SCLT1: variants seen among roughly 807,000 people sequenced by gnomAD.
SCLT1 encodes sodium channel-associated protein 1.
SCLT1 carries 78 observed loss-of-function variants against 112.8 expected under a neutral mutation model. The ratio of observed to expected loss-of-function variants is 0.69; its 90% CI spans 0.58 to 0.83. The LOEUF (loss-of-function observed/expected upper bound fraction) is 0.83. Among genes scored for constraint, SCLT1 ranks in the 40% least tolerant of loss-of-function variants. The pLI is 0.00. For synonymous variants in SCLT1, 257 were observed against 254.7 expected (o/e 1.01, Z -0.09); for missense variants, 747 against 770.4 (o/e 0.97, Z 0.36).
chr4:128,993,849 G>A (rs1026968094), intron 8 of SCLT1, among the ~76,000 whole-genome samples: 4 of 151,826 alleles, frequency 2.6e-5, no homozygotes, highest in Non-Finnish European at 5.9e-5. Flanking sequence ...TTATAGAGAT[G>A]AGCAAATCTT....
intron 2 of SCLT1, among the ~76,000 whole-genome samples, chr4:129,058,521 C>T (rs566482788): frequency 1.3e-5 from 2 of 152,224 alleles, no homozygotes; most frequent in African/African-American, 4.8e-5. Flanking sequence ...TGTACAGTTT[C>T]TAATGTTCCT....
At chr4:129,059,648 G>A (rs1749774698) in intron 2 of SCLT1, among the ~76,000 whole-genome samples, 1 of 152,066 alleles carries the variant, frequency 6.6e-6, no homozygotes, top group Non-Finnish European at 1.5e-5. Flanking sequence ...GGCTGATATT[G>A]TTTTTCTTCT....
intron 18 of SCLT1, among the ~76,000 whole-genome samples, chr4:128,903,764 G>T (rs191726822): frequency 2.7e-4 from 41 of 152,180 alleles, no homozygotes; most frequent in Non-Finnish European, 4.6e-4. Context: ...TCAGTACTTT[G>T]TATCTTCTTA....
At chr4:128,875,971 G>A (rs1732510342) in intron 4 of SCLT1, among the ~76,000 whole-genome samples, 1 of 152,122 alleles carries the variant, frequency 6.6e-6, no homozygotes, top group South Asian at 2.1e-4. Flanking sequence ...CACAGCAGTA[G>A]GTACTGGCAG....
At chr4:128,979,523 C>A (rs541150543) in intron 9 of SCLT1, among the ~76,000 whole-genome samples, 8 of 152,150 alleles carry the variant, frequency 5.3e-5, no homozygotes, top group Non-Finnish European at 1.0e-4. Flanking sequence ...TTGAACTTCA[C>A]GGCCTCCAGA....
intron 5 of SCLT1, among the ~76,000 whole-genome samples, chr4:129,016,809 A>G (rs1745033620): frequency 6.6e-6 from 1 of 152,144 alleles, no homozygotes; most frequent in Non-Finnish European, 1.5e-5. Flanking sequence ...TTGCCTTATA[A>G]GTTTTTCACA....
intron 9 of SCLT1, 174 bp from the exon 10 acceptor site, chr4:128,970,642 A>T: frequency 1.8e-6 from 1 of 556,710 alleles, no homozygotes; most frequent in East Asian, 3.0e-5. Context: ...TGTAGAAGAT[A>T]TTAAAGAGGA....
chr4:128,879,015 T>C (rs1732583918), downstream of SCLT1, among the ~76,000 whole-genome samples: 1 of 151,662 alleles, frequency 6.6e-6, no homozygotes, highest in Admixed American at 6.6e-5. Flanking sequence ...CATCAGGAGA[T>C]ATAACTAATG....
At chr4:128,917,184 T>A (rs763753348) in intron 18 of SCLT1, among the ~76,000 whole-genome samples, 1 of 152,106 alleles carries the variant, frequency 6.6e-6, no homozygotes, top group African/African-American at 2.4e-5. Flanking sequence ...CTGACCCCAG[T>A]GCTTCTCGAG....
At chr4:128,979,817 G>A (rs1292304001) in intron 9 of SCLT1, among the ~76,000 whole-genome samples, 2 of 152,168 alleles carry the variant, frequency 1.3e-5, no homozygotes, top group Non-Finnish European at 2.9e-5. Context: ...ATGATGTTAT[G>A]TATTTGTTTT....
chr4:128,965,311 T>C lies in SCLT1; in HGVS notation c.785A>G (p.Asp262Gly), dbSNP rs756551030. The C allele has an allele frequency of 6.2e-7, 1 of 1,602,160 alleles. No homozygotes were observed. Among genetic ancestry groups the C allele is most frequent in the Admixed American group, 1.7e-5 (1 of 59,618 alleles). ...LQGQMKKKEKDVVSAHGREEA... is the reference protein window; with the variant it reads ...LQGQMKKKEKGVVSAHGREEA... ...CTCTCTTCCATGGGCAGACACCACATCCTTCTCCTAGAAAATAAAGAAACT... is the reference window on the plus strand; with the variant it reads ...CTCTCTTCCATGGGCAGACACCACACCCTTCTCCTAGAAAATAAAGAAACT... The change falls in exon 11 of 21, where the codon GAT becomes GGT. Residue 262 changes from aspartate to glycine, a missense_variant. Asp to Gly is a moderately conservative substitution (Grantham distance 94). This residue lies in a region of SCLT1 where 723 missense variants were observed against 721.3 expected (regional missense o/e 1.00). Transcript: ENST00000281142.
chr4:128,995,202 G>A (rs1742907395), intron 8 of SCLT1, among the ~76,000 whole-genome samples: 1 of 152,100 alleles, frequency 6.6e-6, no homozygotes, highest in South Asian at 2.1e-4. Context: ...ATATTTGTGT[G>A]TTGTGTAAGA....
chr4:128,984,543 C>T (rs907627070), intron 9 of SCLT1, among the ~76,000 whole-genome samples: 4 of 152,098 alleles, frequency 2.6e-5, no homozygotes, highest in Non-Finnish European at 5.9e-5. Flanking sequence ...CTCAATATTA[C>T]GAAGTTCTGC....
intron 18 of SCLT1, among the ~76,000 whole-genome samples, chr4:128,901,646 A>G (rs1341147897): frequency 6.6e-6 from 1 of 151,932 alleles, no homozygotes; most frequent in Non-Finnish European, 1.5e-5. Flanking sequence ...CGTTGTACAC[A>G]TGTACCCTAA....
At chr4:129,055,834 A>AAC (rs761474203) in intron 2 of SCLT1, among the ~76,000 whole-genome samples, 77 of 126,650 alleles carry the variant, frequency 6.1e-4, no homozygotes, top group Middle Eastern at 4.5e-3. Flanking sequence ...AAAAAAAACA[A>AAC]AAACAAACAA....
intron 5 of SCLT1, among the ~76,000 whole-genome samples, chr4:129,017,194 T>TTG (rs1553988890): frequency 6.6e-6 from 1 of 151,558 alleles, no homozygotes; most frequent in Non-Finnish European, 1.5e-5. Context: ...TGTTTTTTTG[T>TTG]GGGGGGGGAA....
chr4:128,970,257 G>A, intron 10 of SCLT1, 121 bp downstream of exon 10: 1 of 646,874 alleles, frequency 1.5e-6, no homozygotes, highest in Non-Finnish European at 2.7e-6. Flanking sequence ...ATATTTTAAG[G>A]GTATTAAAAT....
At chr4:128,978,518 A>T (rs1160944216) in intron 9 of SCLT1, among the ~76,000 whole-genome samples, 1 of 152,182 alleles carries the variant, frequency 6.6e-6, no homozygotes, top group Non-Finnish European at 1.5e-5. Context: ...TGGTAGAGAA[A>T]TGTTTAAGAA....
In SCLT1 at chr4:129,059,169, G is replaced by A. The variant is rs187025481; in HGVS notation, c.103-15118C>T. 1.3e-4 allele frequency among the ~76,000 whole-genome samples: 20 copies of A among 152,192 alleles called. No homozygotes were observed. The East Asian group carries it at 3.3e-3, about 25-fold the overall frequency. On this transcript the variant is annotated intron_variant, in intron 2 of 20. Coordinates refer to ENST00000281142, the MANE Select transcript of SCLT1 (RefSeq NM_144643.4). ...GCCTTCTCTTTCCATCCATATGTAT[G>A]TTTACAGGTGAAGTGAGTTTGTTGT...
Sources: allele counts gnomAD v4.1 joint callset (sites outside exome capture counted in the v4.1 genomes callset), GRCh38; gene constraint gnomAD v4.1.1; regional missense constraint gnomAD v4.1.1; transcripts MANE v1.5; gene names NCBI Gene and HGNC (gene_info 2026-07-23, HGNC 2026-07-21).